RALGPS2: variants seen among roughly 807,000 people sequenced by gnomAD.
The protein encoded by RALGPS2 is Ral GEF with PH domain and SH3 binding motif 2, also known as ras-specific guanine nucleotide-releasing factor RalGPS2.
A neutral mutation model predicts 86.8 loss-of-function variants in RALGPS2; 43 were observed. The ratio of observed to expected loss-of-function variants is 0.50; its 90% CI spans 0.39 to 0.64. The LOEUF (loss-of-function observed/expected upper bound fraction) is 0.64. Among genes scored for constraint, RALGPS2 ranks in the 30% least tolerant of loss-of-function variants. The probability of loss-of-function intolerance (pLI) is 0.00; values close to 1 mark genes in which losing one functional copy is unlikely to be tolerated. For synonymous variants in RALGPS2, 243 were observed against 231.3 expected, an observed-to-expected ratio of 1.05 and a Z score of -0.46; for missense variants, 536 against 694.6, an observed-to-expected ratio of 0.77 and a Z score of 2.57.
chr1:178,898,445 A>C (rs1371480113), intron 17 of RALGPS2, among the ~76,000 whole-genome samples: 4 of 152,016 alleles, frequency 2.6e-5, no homozygotes, highest in Non-Finnish European at 5.9e-5. Flanking sequence ...GATACTGTAT[A>C]ATTCAGAGTA....
Position 178,821,519 on chromosome 1 carries a change from C to G in RALGPS2, c.388-93C>G, listed in dbSNP as rs939908625. ...GAAGGTAATATATGCTGGAACACTA[C>G]CAGTTGCCAAGATTGTACTTGTTAG... On this transcript the variant is annotated intron_variant, in intron 6 of 19. Coordinates refer to ENST00000367635, the MANE Select transcript of RALGPS2 (RefSeq NM_152663.5). The G allele has an allele frequency of 5.6e-6, 5 of 887,282 alleles. No homozygotes were observed. The South Asian group carries it at 7.6e-5, about 13-fold the overall frequency. The allele number at this position is 887,282 out of a possible 1,614,324, so 55.0% of individuals were successfully genotyped here. A position where few individuals can be genotyped will look rare whatever the true frequency, so the allele number is the denominator to read the frequency against.
chr1:178,902,316 C>A, intron 18 of RALGPS2, 105 bp downstream of exon 18: 1 of 842,248 alleles, frequency 1.2e-6, no homozygotes, highest in South Asian at 1.9e-5. Flanking sequence ...ATGTTTTATG[C>A]ATACATGAAG....
At chr1:178,878,407 A>G (rs543634836) in intron 9 of RALGPS2, among the ~76,000 whole-genome samples, 48 of 152,138 alleles carry the variant, frequency 3.2e-4, no homozygotes, top group Non-Finnish European at 6.0e-4. Flanking sequence ...ACTTCCTAAA[A>G]CTATCAGTGT....
intron 7 of RALGPS2, among the ~76,000 whole-genome samples, chr1:178,830,828 T>G (rs1242107412): frequency 6.6e-6 from 1 of 152,166 alleles, no homozygotes; most frequent in East Asian, 1.9e-4. Context: ...GCGGAAGATA[T>G]GTGCAACAGT....
intron 17 of RALGPS2, 49 bp from the exon 18 acceptor site, chr1:178,902,057 A>G: frequency 1.4e-6 from 2 of 1,415,972 alleles, no homozygotes; most frequent in Non-Finnish European, 2.0e-6. Context: ...GTTTTGCTAG[A>G]ATAAACCATA....
At chr1:178,794,523 G>A (rs747707408) in intron 4 of RALGPS2, among the ~76,000 whole-genome samples, 4 of 152,142 alleles carry the variant, frequency 2.6e-5, no homozygotes, top group Admixed American at 1.3e-4. Context: ...GTTTTTCCAT[G>A]TTATTACATT....
chr1:178,893,819 C>A, intron 15 of RALGPS2, 100 bp from the exon 16 acceptor site: 1 of 779,496 alleles, frequency 1.3e-6, no homozygotes, highest in Non-Finnish European at 2.0e-6. Flanking sequence ...AATAAAGTAA[C>A]AAACTTTTAA....
At chr1:178,836,749 G>T (rs1186329020) in intron 8 of RALGPS2, among the ~76,000 whole-genome samples, 1 of 151,868 alleles carries the variant, frequency 6.6e-6, no homozygotes, top group Non-Finnish European at 1.5e-5. Context: ...TTCTTGAGAG[G>T]TCTCAGTCCA....
intron 4 of RALGPS2, among the ~76,000 whole-genome samples, chr1:178,805,211 T>C (rs1022995548): frequency 1.3e-5 from 2 of 148,410 alleles, no homozygotes; most frequent in Non-Finnish European, 3.0e-5. Context: ...GCAAAAATTT[T>C]CTCCCATTTT....
At position 178,883,506 on chromosome 1, in the gene RALGPS2, TCTGCTG is replaced by T; in HGVS notation, c.880_885del (p.Ala294_Ala295del). On this transcript the variant is annotated inframe_deletion, in exon 11 of 20. Transcript: ENST00000367635. Reference sequence around the variant, plus strand: ...AGAACCAGGGACAAGCACCCCACGTTCTGCTGCTTCCAGAGAAGATTTAGTAGGTCA... The same window carrying T: ...AGAACCAGGGACAAGCACCCCACGTTCTTCCAGAGAAGATTTAGTAGGTCA... 1 of 1,613,592 alleles carries T rather than the reference TCTGCTG, an allele frequency of 6.2e-7. No individual in the cohort carries two copies. Among genetic ancestry groups the T allele is most frequent in the Non-Finnish European group, 8.5e-7 (1 of 1,179,542 alleles).
At chr1:178,781,260 T>G (rs1278341074) in intron 2 of RALGPS2, among the ~76,000 whole-genome samples, 1 of 152,050 alleles carries the variant, frequency 6.6e-6, no homozygotes, top group East Asian at 1.9e-4. Flanking sequence ...GGCAAGAAAA[T>G]AAAATTAAAA....
At chr1:178,873,990 C>T (rs1658885513) in intron 8 of RALGPS2, among the ~76,000 whole-genome samples, 1 of 152,060 alleles carries the variant, frequency 6.6e-6, no homozygotes, top group Non-Finnish European at 1.5e-5. Context: ...TCGCCATTCT[C>T]CTGCCTCAGC....
Position 178,902,185 on chromosome 1 carries a change from T to C in RALGPS2, c.1604T>C (p.Leu535Pro), listed in dbSNP as rs1361673118. The C allele has an allele frequency of 1.2e-6, 2 of 1,612,898 alleles. No individual in the cohort carries two copies. The highest frequency in any genetic ancestry group is 1.7e-6 in the Non-Finnish European group (2 of 1,179,064). The change falls in exon 18 of 20, where the codon CTC (leucine) becomes CCC (proline). Residue 535 changes from leucine (L) to proline (P), a missense_variant. Around this residue, in one of 3 missense-constraint regions of RALGPS2, gnomAD observed 309 missense variants for 363.0 expected, o/e 0.85. Transcript: ENST00000367635. ...GCTGATGACCCTGAACATCCTGATC[T>C]CTTCCTGCTGACTGACTCTGAGAAA... is the stretch of plus-strand genomic sequence containing the variant. ...MMADDPEHPD[L>P]FLLTDSEKGN...
At chr1:178,801,710 C>CA (rs1252337823) in intron 4 of RALGPS2, among the ~76,000 whole-genome samples, 2 of 148,308 alleles carry the variant, frequency 1.3e-5, no homozygotes, top group Admixed American at 6.9e-5. Context: ...GTGGATATGG[C>CA]AAAAAAGGTA....
At chr1:178,907,998 G>A (rs956493489) in intron 19 of RALGPS2, among the ~76,000 whole-genome samples, 2 of 152,084 alleles carry the variant, frequency 1.3e-5, no homozygotes, top group African/African-American at 4.8e-5. Flanking sequence ...TGGGTATATT[G>A]TGTGTCACTG....
intron 8 of RALGPS2, chr1:178,865,073 C>G: frequency 3.3e-6 from 5 of 1,525,812 alleles, no homozygotes; most frequent in Non-Finnish European, 4.4e-6. Context: ...CTCGTTACCT[C>G]CCAGCAGACC....
chr1:178,875,308 G>A (rs1011408931), intron 8 of RALGPS2, among the ~76,000 whole-genome samples: 12 of 152,130 alleles, frequency 7.9e-5, no homozygotes, highest in African/African-American at 2.7e-4. Flanking sequence ...ATTAAAAATA[G>A]AACGAAGAAT....
chr1:178,905,612 G>A (rs1660358572), intron 18 of RALGPS2, among the ~76,000 whole-genome samples: 1 of 152,168 alleles, frequency 6.6e-6, no homozygotes, highest in Non-Finnish European at 1.5e-5. Context: ...AGGCTCTTGA[G>A]CCATTGAATG....
At chr1:178,813,753 CT>C (rs1432312839) in intron 6 of RALGPS2, among the ~76,000 whole-genome samples, 1 of 152,128 alleles carries the variant, frequency 6.6e-6, no homozygotes, top group East Asian at 1.9e-4. Flanking sequence ...AGCAGAATTT[CT>C]TTTCCAGGAA....
Sources: allele counts gnomAD v4.1 joint callset (sites outside exome capture counted in the v4.1 genomes callset), GRCh38; gene constraint gnomAD v4.1.1; regional missense constraint gnomAD v4.1.1; transcripts MANE v1.5; gene names NCBI Gene and HGNC (gene_info 2026-07-23, HGNC 2026-07-21).